MACF1: variants seen among roughly 807,000 people sequenced by gnomAD.
MACF1 encodes the protein microtubule-actin cross-linking factor 1.
In MACF1, 193 loss-of-function variants were observed where a neutral mutation model predicts 854.8. The ratio of observed to expected loss-of-function variants is 0.23; its 90% CI spans 0.20 to 0.25. The LOEUF (loss-of-function observed/expected upper bound fraction) is 0.25, where lower values mean the gene tolerates loss of function less well. Among genes scored for constraint, MACF1 ranks in the 10% least tolerant of loss-of-function variants. The probability of loss-of-function intolerance (pLI) is 1.00; values close to 1 mark genes in which losing one functional copy is unlikely to be tolerated. For synonymous variants in MACF1, 3,185 were observed against 3,226.7 expected (o/e 0.99, Z 0.44); for missense variants, 7,722 against 8,929.1 (o/e 0.86, Z 5.45).
Position 39,105,340 on chromosome 1 carries a change from C to T in MACF1, c.220+20902C>T. ...AGGAGGAGCCGCCGCCGCCGCCCGC[C>T]GCTGCAGCCGCGCCGGGGCGGGCTG... On this transcript the variant is annotated intron_variant, in intron 2 of 93. Transcript: ENST00000361689. The surrounding 1 kb of genome is among the most constrained non-coding windows in gnomAD (Gnocchi z 5.9). The T allele has an allele frequency of 3.2e-6, 3 of 930,746 alleles. No individual in the cohort carries two copies. Among genetic ancestry groups the T allele is most frequent in the African/African-American group, 3.6e-5 (2 of 56,112 alleles). 57.7% of individuals were successfully genotyped at this position (930,746 alleles called of 1,614,324 possible). A position where few individuals can be genotyped will look rare whatever the true frequency, so the allele number is the denominator to read the frequency against.
intron 58 of MACF1, among the ~76,000 whole-genome samples, chr1:39,406,477 G>A (rs999265525): frequency 3.3e-5 from 5 of 152,060 alleles, no homozygotes; most frequent in African/African-American, 9.7e-5. Flanking sequence ...CAGTAGCTAC[G>A]CCTGTAATCC....
At chr1:39,278,732 A>G (rs903224659) in intron 6 of MACF1, among the ~76,000 whole-genome samples, 6 of 152,166 alleles carry the variant, frequency 3.9e-5, no homozygotes, top group East Asian at 1.9e-4. Flanking sequence ...GTAGCTAGAA[A>G]TGTTAAGGGG....
chr1:39,303,255 A>G (rs1646087066), intron 23 of MACF1, among the ~76,000 whole-genome samples, 177 bp downstream of exon 23: 1 of 152,228 alleles, frequency 6.6e-6, no homozygotes, highest in South Asian at 2.1e-4. Context: ...TAGATCTTCA[A>G]TAAATACTTC....
At chr1:39,468,034 T>G (rs1025351293) in intron 95 of MACF1, 16 of 152,368 alleles carry the variant, frequency 1.1e-4, no homozygotes, top group African/African-American at 3.8e-4. Flanking sequence ...TTGTCTGTTT[T>G]CCTACCTCTC....
At chr1:39,193,211 A>AT (rs1004971766) in intron 2 of MACF1, among the ~76,000 whole-genome samples, 13 of 151,802 alleles carry the variant, frequency 8.6e-5, no homozygotes, top group East Asian at 3.8e-4. Context: ...TCTTCGTATC[A>AT]TTTTTTTCTC....
chr1:39,267,296 A>G (rs1019574853), intron 6 of MACF1, among the ~76,000 whole-genome samples: 4 of 152,058 alleles, frequency 2.6e-5, no homozygotes, highest in African/African-American at 9.7e-5. Context: ...CAGTGACATG[A>G]TCTTGGCTCA....
At chr1:39,370,267 G>A (rs779918750) in intron 51 of MACF1, 81 bp downstream of exon 51, 26 of 1,260,378 alleles carry the variant, frequency 2.1e-5, no homozygotes, top group Non-Finnish European at 2.5e-5. Context: ...GCTGTGGTGG[G>A]GAAATGTATG....
At position 39,285,589 on chromosome 1, in the gene MACF1, C is replaced by T. The variant is rs1158526821; in HGVS notation, c.1354-15C>T. On this transcript the variant is annotated splice_polypyrimidine_tract_variant and intron_variant, in intron 13 of 100. Coordinates refer to ENST00000564288, the MANE Select transcript of MACF1 (RefSeq NM_001394062.1). ...ATGGAAGTTTTCCCACTGTTATTCT[C>T]TCTTCCTGTCTCAGGATGCTGCTCA... is the stretch of plus-strand genomic sequence containing the variant. 3.7e-6 allele frequency: 6 copies of T among 1,610,942 alleles called. No homozygotes were observed. The highest frequency in any genetic ancestry group is 5.1e-6 in the Non-Finnish European group (6 of 1,177,944).
chr1:39,431,925 A>G (rs995516710), intron 66 of MACF1, among the ~76,000 whole-genome samples: 3 of 152,176 alleles, frequency 2.0e-5, no homozygotes, highest in Non-Finnish European at 4.4e-5. Flanking sequence ...GCAGTGAGCT[A>G]TGATTGTGCT....
In MACF1 at chr1:39,099,448, C is replaced by CA. The variant is rs199625808; in HGVS notation, c.220+15011dup. ...CTGGGATTACAGGCATGAGCCACCG[C>CA]ACCTGGCCTAAGAATTTCTTTATAA... On this transcript the variant is annotated intron_variant, in intron 2 of 93. Coordinates refer to the MACF1 transcript ENST00000361689. Among the ~76,000 whole-genome samples the CA allele has an allele frequency of 7.2e-3, 1,091 of 152,310 alleles. 4 individuals are homozygous for CA. The highest frequency in any genetic ancestry group is 0.011 in the Non-Finnish European group (739 of 68,026).
chr1:39,326,075 A>G (rs945944392), intron 35 of MACF1, among the ~76,000 whole-genome samples: 1 of 152,148 alleles, frequency 6.6e-6, no homozygotes, highest in Non-Finnish European at 1.5e-5. Context: ...GGATAATGGT[A>G]AGGAACTGAT....
rs137885063 is a variant in MACF1 at position 39,474,988 on chromosome 1, T to C, written c.21959-4810T>C. ...TGGGACTGCAGCCAAATGTACAAGG[T>C]TAGCGACCAGATAAGACTCTGGACG... On this transcript the variant is annotated intron_variant, in intron 97 of 100. Transcript: ENST00000564288. Among the ~76,000 whole-genome samples the C allele has an allele frequency of 1.0e-3, 156 of 152,178 alleles. 1 individual carries two copies. Among genetic ancestry groups the C allele is most frequent in the African/African-American group, 3.6e-3 (150 of 41,522 alleles).
At position 39,282,308 on chromosome 1, in the gene MACF1, A is replaced by G. The variant is rs1431415768; in HGVS notation, c.629A>G (p.Lys210Arg). The change falls in exon 7 of 101, where the codon AAA becomes AGA. Residue 210 changes from lysine to arginine, a missense_variant. Physicochemically the swap from Lys to Arg is conservative, Grantham distance 26. This residue lies in a region of MACF1 where 108 missense variants were observed against 196.4 expected (regional missense o/e 0.55). Coordinates refer to ENST00000564288, the MANE Select transcript of MACF1 (RefSeq NM_001394062.1). ...QKVTAGYTGI[K>R]CTNFSSCWSD... The stretch of plus-strand genomic sequence containing the variant: ...GTGACAGCTGGTTACACAGGAATCA[A>G]ATGCACCAACTTTTCCTCCTGCTGG... The G allele has an allele frequency of 1.2e-6, 2 of 1,614,106 alleles. No homozygotes were observed. The highest frequency in any genetic ancestry group is 2.2e-5 in the South Asian group (2 of 91,082).
At chr1:39,240,446 A>T (rs1283366277) in intron 2 of MACF1, among the ~76,000 whole-genome samples, 1 of 151,984 alleles carries the variant, frequency 6.6e-6, no homozygotes, top group Non-Finnish European at 1.5e-5. Flanking sequence ...TTTACTCTGG[A>T]TTTTCTATTC....
chr1:39,205,124 T>G lies in MACF1; in HGVS notation c.102T>G (p.Gly34=). 1.4e-6 allele frequency: 1 copy of G among 702,910 alleles called. No homozygotes were observed. Among genetic ancestry groups the G allele is most frequent in the South Asian group, 1.5e-5 (1 of 67,600 alleles). 43.5% of individuals were successfully genotyped at this position (702,910 alleles called of 1,614,324 possible). A position where few individuals can be genotyped will look rare whatever the true frequency, so the allele number is the denominator to read the frequency against. Residue 34 remains glycine (G), a synonymous_variant, in exon 1 of 101, where the codon GGT becomes GGG. Coordinates refer to ENST00000564288, the MANE Select transcript of MACF1 (RefSeq NM_001394062.1). ...TATACTGGAAGAGGCATGCCAGAGG[T>G]AGAGCAGGTAACTAACTGGTACCCA... is the stretch of plus-strand genomic sequence containing the variant. ...GVLYWKRHAR[G]RADERDRVQK...
chr1:39,376,480 A>G (rs975778254), intron 52 of MACF1, among the ~76,000 whole-genome samples: 1 of 152,220 alleles, frequency 6.6e-6, no homozygotes, highest in African/African-American at 2.4e-5. Flanking sequence ...AGTTAACAGG[A>G]TAGGTTGTAT....
chr1:39,292,026 C>G lies in MACF1; in HGVS notation c.1902C>G (p.Ala634=). ...AGCTGGGCTCAAGTGTCAAGGAGGC[C>G]AGGTTGTATGAGGTGCGTAGCCTTC... ...VEELGSSVKE[A]RLYEGKMSQN... is the part of the protein sequence containing the mutation. The change falls in exon 16 of 101, where the codon GCC becomes GCG. Residue 634 remains alanine, a synonymous_variant. Coordinates refer to ENST00000564288, the MANE Select transcript of MACF1 (RefSeq NM_001394062.1). 6.2e-7 allele frequency: 1 copy of G among 1,613,862 alleles called. No homozygotes were observed. The highest frequency in any genetic ancestry group is 1.7e-5 in the Admixed American group (1 of 60,004).
intron 2 of MACF1, among the ~76,000 whole-genome samples, chr1:39,239,117 CT>C (rs1191469901): frequency 1.3e-5 from 2 of 152,146 alleles, no homozygotes; most frequent in Non-Finnish European, 2.9e-5. Context: ...CCCATCTCTA[CT>C]AAAAATACAA....
chr1:39,414,545 G>C (rs1366047261), intron 58 of MACF1: 1 of 1,593,414 alleles, frequency 6.3e-7, no homozygotes, highest in Admixed American at 1.7e-5. Flanking sequence ...CTGACCTGGT[G>C]GTGATGAGAA....
Sources: gnomAD v4.1 joint callset for allele counts (sites outside exome capture counted in the v4.1 genomes callset) on GRCh38, gnomAD v4.1.1 for gene constraint, gnomAD v4.1.1 regional missense constraint, Gnocchi (gnomAD v3.1) non-coding constraint, MANE v1.5 for transcripts, NCBI Gene and HGNC (gene_info 2026-07-23, HGNC 2026-07-21) for gene names.